TRPM3: variants seen among roughly 807,000 people sequenced by gnomAD.
The protein encoded by TRPM3 is transient receptor potential cation channel subfamily M member 3.
Under a neutral mutation model 181.2 loss-of-function variants are expected in TRPM3, and 77 were observed. The ratio of observed to expected loss-of-function variants is 0.42; its 90% confidence interval spans 0.35 to 0.51. The LOEUF (loss-of-function observed/expected upper bound fraction) is 0.51. TRPM3 is among the 20% of genes least tolerant of loss of function. The pLI is 0.01. For missense variants in TRPM3, 1,759 were observed against 2,196.7 expected (o/e 0.80, Z 3.98); for synonymous variants, 745 against 796.4 (o/e 0.94, Z 1.09).
chr9:70,869,064 T>C (rs1026934970), intron 1 of TRPM3: 47 of 985,104 alleles, frequency 4.8e-5, no homozygotes, highest in Non-Finnish European at 5.7e-5. Flanking sequence ...CAGCTAGGGC[T>C]GGTCATTCCG....
intron 1 of TRPM3, among the ~76,000 whole-genome samples, chr9:71,074,804 T>C (rs1283217922): frequency 6.6e-6 from 1 of 152,170 alleles, no homozygotes; most frequent in Non-Finnish European, 1.5e-5. Flanking sequence ...ACAGAATTCA[T>C]CAGTAGGTCA....
intron 1 of TRPM3, among the ~76,000 whole-genome samples, chr9:71,215,155 T>G (rs2131821047): frequency 6.6e-6 from 1 of 152,162 alleles, no homozygotes; most frequent in African/African-American, 2.4e-5. Context: ...GTTCATAAAT[T>G]TGTTAAATGA....
intron 1 of TRPM3, among the ~76,000 whole-genome samples, chr9:70,941,609 T>A (rs1330473647): frequency 6.6e-6 from 1 of 152,216 alleles, no homozygotes; most frequent in Non-Finnish European, 1.5e-5. Context: ...CCCTGACTAA[T>A]ACAGTGTGGT....
At chr9:71,286,963 A>ATATATAATTATATAATATAATTATAT (rs1565424434) in intron 1 of TRPM3, among the ~76,000 whole-genome samples, 277 of 138,166 alleles carry the variant, frequency 2.0e-3, no homozygotes, top group African/African-American at 7.3e-3. Flanking sequence ...TATATAAATT[A>ATATATAATTATATAATATAATTATAT]TATATAATAT....
At chr9:70,627,590 C>T (rs2064910020) in intron 12 of TRPM3, among the ~76,000 whole-genome samples, 1 of 152,068 alleles carries the variant, frequency 6.6e-6, no homozygotes, top group Admixed American at 6.6e-5. Flanking sequence ...GCTTTTTAGA[C>T]TTCTTGCTGT....
chr9:70,757,552 C>T (rs187318947), intron 8 of TRPM3, among the ~76,000 whole-genome samples: 1 of 152,116 alleles, frequency 6.6e-6, no homozygotes, highest in Non-Finnish European at 1.5e-5. Flanking sequence ...AATTTCAGGC[C>T]AATATCCCTG....
At chr9:70,882,916 C>T (rs558167654) in intron 1 of TRPM3, among the ~76,000 whole-genome samples, 5 of 152,246 alleles carry the variant, frequency 3.3e-5, no homozygotes, top group African/African-American at 9.6e-5. Flanking sequence ...AGGTCGACTC[C>T]TTTATTTTAC....
At chr9:71,442,820 CA>C (rs1193027259) in intron 1 of TRPM3, among the ~76,000 whole-genome samples, 1 of 152,220 alleles carries the variant, frequency 6.6e-6, no homozygotes, top group African/African-American at 2.4e-5. Context: ...CTTGCTGAAT[CA>C]CCTTTCAATA....
chr9:71,111,154 A>G (rs2070989721), intron 1 of TRPM3, among the ~76,000 whole-genome samples: 1 of 152,220 alleles, frequency 6.6e-6, no homozygotes, highest in Non-Finnish European at 1.5e-5. Context: ...GAGATGATTG[A>G]CAATAAGATG....
At chr9:71,367,259 T>C (rs2092364903) in intron 1 of TRPM3, among the ~76,000 whole-genome samples, 1 of 152,184 alleles carries the variant, frequency 6.6e-6, no homozygotes, top group Admixed American at 6.5e-5. Context: ...ATCAAGACCA[T>C]GAATGCTCAA....
At chr9:71,243,766 T>C (rs2081865086) in intron 1 of TRPM3, among the ~76,000 whole-genome samples, 1 of 152,214 alleles carries the variant, frequency 6.6e-6, no homozygotes, top group South Asian at 2.1e-4. Flanking sequence ...AAAGCATTAA[T>C]AACACATGCA....
chr9:70,554,136 A>G (rs2131882492), intron 22 of TRPM3, among the ~76,000 whole-genome samples: 1 of 152,192 alleles, frequency 6.6e-6, no homozygotes, highest in African/African-American at 2.4e-5. Context: ...TGTGTGAGTA[A>G]TGTGCTAATG....
chr9:70,862,799 C>T, intron 3 of TRPM3, 109 bp downstream of exon 3: 1 of 1,074,768 alleles, frequency 9.3e-7, no homozygotes, highest in Non-Finnish European at 1.4e-6. Flanking sequence ...CAGACAGTGG[C>T]AGAGTGGAGA....
chr9:71,054,524 C>A (rs1390638137), intron 1 of TRPM3, among the ~76,000 whole-genome samples: 1 of 152,094 alleles, frequency 6.6e-6, no homozygotes, highest in African/African-American at 2.4e-5. Flanking sequence ...AGTCCAGTAG[C>A]ACTAGGTGCC....
intron 1 of TRPM3, among the ~76,000 whole-genome samples, chr9:71,427,445 C>CACCAT (rs1157574071): frequency 6.6e-6 from 1 of 152,050 alleles, no homozygotes; most frequent in African/African-American, 2.4e-5. Flanking sequence ...CATCGAGAAC[C>CACCAT]ACCATCATAG....
rs551846408 is a variant in TRPM3, at chr9:70,698,132, C to G, written c.1273-16554G>C. Among the ~76,000 whole-genome samples, 535 of 149,372 alleles carry G rather than the reference C, an allele frequency of 3.6e-3. 1 individual carries two copies. The highest frequency in any genetic ancestry group is 6.9e-3 in the Middle Eastern group (2 of 288). On this transcript the variant is annotated intron_variant, in intron 8 of 25. Transcript: ENST00000677713. ...CTGGGGCAGGAGGATCACTTGAACC[C>G]GGGAGACGGAGGTTGCAGTGAGCTG...
At chr9:70,842,237 A>G (rs541968453) in intron 5 of TRPM3, among the ~76,000 whole-genome samples, 1 of 152,170 alleles carries the variant, frequency 6.6e-6, no homozygotes, top group Admixed American at 6.6e-5. Flanking sequence ...CCTGGGGAAA[A>G]TATCTCTGCT....
chr9:70,620,189 C>G lies in TRPM3; in HGVS notation c.2016G>C (p.Glu672Asp). ...CCACCAGGGCCTTGGCCATGGCCTC[C>G]TCACCGTGCTGCCAGAAGAACAGGG... ...KMALFFWQHG[E>D]EAMAKALVAC... is the part of the protein sequence containing the mutation. Residue 672 changes from glutamate to aspartate, a missense_variant, in exon 16 of 26, where the codon GAG becomes GAC. By Grantham distance (45) the Glu-to-Asp change is conservative. Coordinates refer to ENST00000677713, the MANE Select transcript of TRPM3 (RefSeq NM_001366145.2). 1 of 1,614,234 alleles carries G rather than the reference C, an allele frequency of 6.2e-7. No individual in the cohort carries two copies. Among genetic ancestry groups the G allele is most frequent in the Non-Finnish European group, 8.5e-7 (1 of 1,180,042 alleles).
chr9:71,162,215 A>AG (rs989683730), intron 1 of TRPM3, among the ~76,000 whole-genome samples: 7 of 150,628 alleles, frequency 4.6e-5, no homozygotes, highest in Admixed American at 1.3e-4. Flanking sequence ...AAAAAAAAAA[A>AG]AAAAAGAAGA....
Sources: gnomAD v4.1 joint callset for allele counts (sites outside exome capture counted in the v4.1 genomes callset) on GRCh38, gnomAD v4.1.1 for gene constraint, MANE v1.5 for transcripts, NCBI Gene and HGNC (gene_info 2026-07-23, HGNC 2026-07-21) for gene names.